The following CLVS1 variants were observed in gnomAD, a reference collection of about 807,000 sequenced individuals.
CLVS1 encodes clavesin 1.
Under a neutral mutation model 33.1 loss-of-function variants are expected in CLVS1, and 10 were observed. That is an observed-to-expected ratio of 0.30 (90% CI 0.19 to 0.51). The LOEUF is 0.51. Among genes scored for constraint, CLVS1 ranks in the 20% least tolerant of loss-of-function variants. CLVS1 has a pLI of 0.97. For synonymous variants in CLVS1, 163 were observed against 166.1 expected, an observed-to-expected ratio of 0.98 and a Z score of 0.14; for missense variants, 343 against 433.4, an observed-to-expected ratio of 0.79 and a Z score of 1.85.
At chr8:60,989,637 T>C in the CLVS1 span, among the ~76,000 whole-genome samples, 9 of 152,206 alleles carry the variant, frequency 5.9e-5, no homozygotes, top group Admixed American at 5.9e-4. Flanking sequence ...CAATGTCCAC[T>C]ATCCCACTGT....
the CLVS1 span, among the ~76,000 whole-genome samples, chr8:61,041,842 T>G: frequency 6.6e-6 from 1 of 152,196 alleles, no homozygotes; most frequent in Non-Finnish European, 1.5e-5. Flanking sequence ...TTTTTCTATT[T>G]GGATACCTTG....
the CLVS1 span, among the ~76,000 whole-genome samples, chr8:60,976,072 T>C: frequency 1.3e-5 from 2 of 152,230 alleles, no homozygotes; most frequent in Admixed American, 6.5e-5. Flanking sequence ...AGGTACCTCA[T>C]TGAGTGCCAT....
rs140206222 is a variant in CLVS1 at position 61,328,538 on chromosome 8, T to G, written c.455+28256T>G. Among the ~76,000 whole-genome samples the G allele has an allele frequency of 6.5e-3, 988 of 152,252 alleles. 10 individuals carry two copies. The highest frequency in any genetic ancestry group is 0.023 in the African/African-American group (935 of 41,540). On this transcript the variant is annotated intron_variant, in intron 2 of 5. Coordinates refer to ENST00000325897, the MANE Select transcript of CLVS1 (RefSeq NM_173519.3). ...CCTTGCCTTGCCCAGTCTTTTTTTTTTTAATCACTTCCCTTATCCTCATCA... is the reference window on the plus strand; with the variant it reads ...CCTTGCCTTGCCCAGTCTTTTTTTTGTTAATCACTTCCCTTATCCTCATCA...
At chr8:61,440,615 G>A (rs757517127) in intron 3 of CLVS1, among the ~76,000 whole-genome samples, 1 of 152,204 alleles carries the variant, frequency 6.6e-6, no homozygotes, top group African/African-American at 2.4e-5. Flanking sequence ...AGCTAGGAAA[G>A]CTTCTGTGCT....
intron 2 of CLVS1, among the ~76,000 whole-genome samples, chr8:61,226,980 G>GTTTTTTTTTTTTTTTTTTT (rs55718731): frequency 4.5e-5 from 6 of 132,310 alleles, no homozygotes; most frequent in African/African-American, 5.9e-5. Context: ...ACGAAAACAT[G>GTTTTTTTTTTTTTTTTTTT]TTTTTTTTTT....
intron 2 of CLVS1, among the ~76,000 whole-genome samples, chr8:61,311,930 G>A (rs747331757): frequency 2.6e-5 from 4 of 152,220 alleles, no homozygotes; most frequent in Non-Finnish European, 4.4e-5. Context: ...GTCAGTAAAA[G>A]AGGGCATGTA....
chr8:61,035,536 G>A, the CLVS1 span, among the ~76,000 whole-genome samples: 69,925 of 151,862 alleles, frequency 0.46, 16,666 homozygotes, highest in Middle Eastern at 0.56. Context: ...GTGTCTCACC[G>A]TTACAGAGAG....
intron 3 of CLVS1, among the ~76,000 whole-genome samples, chr8:61,424,422 G>A (rs975572997): frequency 6.6e-6 from 1 of 152,188 alleles, no homozygotes; most frequent in Non-Finnish European, 1.5e-5. Flanking sequence ...ACACATAGAT[G>A]TCAAACTAGC....
At chr8:61,047,431 A>G in the CLVS1 span, among the ~76,000 whole-genome samples, 3 of 152,334 alleles carry the variant, frequency 2.0e-5, no homozygotes, top group Admixed American at 2.0e-4. Context: ...TAGAAATACC[A>G]TTTGACCCAG....
chr8:61,186,798 A>G (rs1212255113), intron 2 of CLVS1, among the ~76,000 whole-genome samples: 2 of 152,226 alleles, frequency 1.3e-5, no homozygotes, highest in African/African-American at 4.8e-5. Flanking sequence ...AACTCCAAAC[A>G]TGTTTCATCT....
intron 2 of CLVS1, among the ~76,000 whole-genome samples, chr8:61,268,113 C>T (rs917316857): frequency 6.6e-5 from 10 of 151,600 alleles, no homozygotes; most frequent in Non-Finnish European, 1.2e-4. Flanking sequence ...TGCACTGCAC[C>T]CACTAACTCA....
At chr8:61,339,700 G>A (rs1563503902) in intron 2 of CLVS1, among the ~76,000 whole-genome samples, 1 of 151,240 alleles carries the variant, frequency 6.6e-6, no homozygotes, top group Non-Finnish European at 1.5e-5. Context: ...GGAAAGAGAG[G>A]GAGAGAGAGA....
intron 1 of CLVS1, among the ~76,000 whole-genome samples, chr8:61,088,863 G>A (rs1805177330): frequency 1.3e-5 from 2 of 151,102 alleles, no homozygotes; most frequent in African/African-American, 4.9e-5. Context: ...GTGCAGTGGA[G>A]AGATCTCGGC....
At chr8:61,133,757 G>T (rs1465536743) in intron 2 of CLVS1, among the ~76,000 whole-genome samples, 7 of 152,136 alleles carry the variant, frequency 4.6e-5, no homozygotes, top group African/African-American at 1.7e-4. Flanking sequence ...GATGAAGCCT[G>T]GGATGAAGGC....
the CLVS1 span, among the ~76,000 whole-genome samples, chr8:61,044,577 A>G: frequency 6.6e-6 from 1 of 152,290 alleles, no homozygotes; most frequent in South Asian, 2.1e-4. Context: ...CTATTGCCAC[A>G]TAGGGGACTT....
chr8:61,452,079 C>A (rs1392831631), intron 3 of CLVS1, among the ~76,000 whole-genome samples: 1 of 152,216 alleles, frequency 6.6e-6, no homozygotes, highest in Non-Finnish European at 1.5e-5. Flanking sequence ...TGCCTTCAAT[C>A]TGGCAGAATC....
chr8:60,990,510 A>G, the CLVS1 span, among the ~76,000 whole-genome samples: 1 of 152,170 alleles, frequency 6.6e-6, no homozygotes, highest in Non-Finnish European at 1.5e-5. Flanking sequence ...CAAGATCACC[A>G]AAATGTGGAA....
chr8:61,242,115 G>A (rs564494134), intron 2 of CLVS1, among the ~76,000 whole-genome samples: 164 of 152,044 alleles, frequency 1.1e-3, no homozygotes, highest in African/African-American at 3.4e-3. Context: ...GCTATGATAT[G>A]ATCAGGCATG....
intron 3 of CLVS1, among the ~76,000 whole-genome samples, chr8:61,443,917 T>A (rs1816661065): frequency 6.6e-6 from 1 of 152,144 alleles, no homozygotes; most frequent in South Asian, 2.1e-4. Context: ...TCATCAGAAA[T>A]GTGTAATTTT....
Sources: gnomAD v4.1 joint callset for allele counts (sites outside exome capture counted in the v4.1 genomes callset) on GRCh38, gnomAD v4.1.1 for gene constraint, MANE v1.5 for transcripts, NCBI Gene and HGNC (gene_info 2026-07-23, HGNC 2026-07-21) for gene names.